The following GTPBP1 variants were observed in gnomAD, a reference collection of about 807,000 sequenced individuals.
GTPBP1 encodes the protein GTP-binding protein 1.
Under a neutral mutation model 62.0 loss-of-function variants are expected in GTPBP1, and 23 were observed. That is an observed-to-expected ratio of 0.37 (90% CI 0.27 to 0.53). The LOEUF is 0.53. Ranked by LOEUF, GTPBP1 falls within the 20% of genes least tolerant of loss-of-function variation. The probability of loss-of-function intolerance (pLI) is 0.89; values close to 1 mark genes in which losing one functional copy is unlikely to be tolerated. For missense variants in GTPBP1, 640 were observed against 917.3 expected, an observed-to-expected ratio of 0.70 and a Z score of 3.90; for synonymous variants, 344 against 364.4, an observed-to-expected ratio of 0.94 and a Z score of 0.64.
Position 38,706,248 on chromosome 22 carries a change from G to T in GTPBP1, c.192+101G>T, listed in dbSNP as rs1045427534. Reference sequence around the variant, plus strand: ...CCAGCGGCCGCCCTGTCCGCGGGGAGCGCGGAACGGGAAGAAGGGGCCGAG... The same window carrying T: ...CCAGCGGCCGCCCTGTCCGCGGGGATCGCGGAACGGGAAGAAGGGGCCGAG... On this transcript the variant is annotated intron_variant, in intron 1 of 11. Transcript: ENST00000216044. 3.7e-5 allele frequency: 28 copies of T among 762,606 alleles called. No individual in the cohort carries two copies. The East Asian group carries it at 8.1e-4, about 22-fold the overall frequency. 47.2% of individuals were successfully genotyped at this position (762,606 alleles called of 1,614,324 possible). A position where few individuals can be genotyped will look rare whatever the true frequency, so the allele number is the denominator to read the frequency against.
At chr22:38,739,307 A>G (rs868775705), downstream of GTPBP1, 7 of 1,608,580 alleles carry the variant, frequency 4.4e-6, no homozygotes, top group Middle Eastern at 9.9e-4. The surrounding 1 kb of genome is among the most constrained non-coding windows in gnomAD (Gnocchi z 6.7). Context: ...TGCGGGGTCC[A>G]GGACAAGGCA....
rs950853623 is a variant in GTPBP1 at position 38,733,576 on chromosome 22, A to T, written c.*2872A>T. On this transcript the variant is annotated 3_prime_UTR_variant, in exon 12 of 12. Coordinates refer to ENST00000216044, the MANE Select transcript of GTPBP1 (RefSeq NM_004286.5). ...GGATGCAGAATAAAATTGTTAATCC[A>T]ATCACCTCCAATGGCAAGGCCTGAC... 6.6e-6 allele frequency: 1 copy of T among 152,288 alleles called. No homozygotes were observed. The highest frequency in any genetic ancestry group is 2.4e-5 in the African/African-American group (1 of 41,468). 9.4% of individuals were successfully genotyped at this position (152,288 alleles called of 1,614,324 possible). A position where few individuals can be genotyped will look rare whatever the true frequency, so the allele number is the denominator to read the frequency against.
chr22:38,736,417 C>G, downstream of GTPBP1: 1 of 1,540,834 alleles, frequency 6.5e-7, no homozygotes, highest in Non-Finnish European at 8.8e-7. Context: ...GCATCAGAGA[C>G]CTGTGAGGCC....
intron 2 of GTPBP1, among the ~76,000 whole-genome samples, chr22:38,714,707 G>C (rs35738517): frequency 0.03 from 4,489 of 151,730 alleles, 86 homozygotes; most frequent in Middle Eastern, 0.088. Flanking sequence ...AGCTTGTTTG[G>C]AGTGGGAGGA....
intron 2 of GTPBP1, among the ~76,000 whole-genome samples, chr22:38,710,685 G>C (rs982126821): frequency 6.6e-6 from 1 of 152,080 alleles, no homozygotes; most frequent in African/African-American, 2.4e-5. Flanking sequence ...TTGATGTCAG[G>C]TACACATCTG....
intron 5 of GTPBP1, chr22:38,722,895 C>T (rs2092708198): frequency 5.5e-6 from 7 of 1,269,828 alleles, no homozygotes; most frequent in Admixed American, 1.7e-5. Flanking sequence ...CACGCTTCGG[C>T]CCACTGGGAG....
At position 38,715,831 on chromosome 22, in the gene GTPBP1, G is replaced by C. The variant is rs1306941030; in HGVS notation, c.305-76G>C. On this transcript the variant is annotated intron_variant, in intron 2 of 11. Coordinates refer to ENST00000216044, the MANE Select transcript of GTPBP1 (RefSeq NM_004286.5). ...GGGGGTGGTGGCCTTTGTTAGGTGG[G>C]GTTCCTGGCTGGCTGGTTGGCAGGC... is the stretch of plus-strand genomic sequence containing the variant. 9 of 1,251,334 alleles carry C rather than the reference G, an allele frequency of 7.2e-6. No individual in the cohort carries two copies. In the East Asian group the frequency reaches 1.2e-4, roughly 16 times the overall value. The allele number at this position is 1,251,334 out of a possible 1,614,324, so 77.5% of individuals were successfully genotyped here. A position where few individuals can be genotyped will look rare whatever the true frequency, so the allele number is the denominator to read the frequency against.
intron 2 of GTPBP1, among the ~76,000 whole-genome samples, chr22:38,714,297 G>A (rs1448575216): frequency 1.3e-5 from 2 of 152,134 alleles, no homozygotes; most frequent in East Asian, 3.9e-4. Context: ...TGGCCAGCAT[G>A]GTGAAACCCC....
Position 38,730,529 on chromosome 22 carries a change from G to A in GTPBP1, c.1918-83G>A. 2 of 948,800 alleles carry A rather than the reference G, an allele frequency of 2.1e-6. No homozygotes were observed. Among genetic ancestry groups the A allele is most frequent in the Non-Finnish European group, 3.4e-6 (2 of 593,420 alleles). The allele number at this position is 948,800 out of a possible 1,614,324, so 58.8% of individuals were successfully genotyped here. On this transcript the variant is annotated intron_variant, in intron 11 of 11. Coordinates refer to ENST00000216044, the MANE Select transcript of GTPBP1 (RefSeq NM_004286.5). This position sits in a 1 kb window ranked among gnomAD's most constrained non-coding sequence, Gnocchi z 5.6. Reference sequence around the variant, plus strand: ...GCCTGCTCACGCATCTTCCGTCCCTGTCTCCCCGCTGCTCAGCACCTCTGC... The same window carrying A: ...GCCTGCTCACGCATCTTCCGTCCCTATCTCCCCGCTGCTCAGCACCTCTGC...
rs753640213 is a variant in GTPBP1 at position 38,729,580 on chromosome 22, C to A, written c.1835C>A (p.Ala612Glu). ...GAGGGGGGCCCGTCTGGTGGGCCAG[C>A]AGTAGGAGCACCCCCACCTGGAGAT... ...RDEGGPSGGP[A>E]VGAPPPGDEA... Residue 612 changes from alanine to glutamate, a missense_variant, in exon 11 of 12, where the codon GCA (alanine) becomes GAA (glutamate). Physicochemically the swap from Ala to Glu is moderately radical, Grantham distance 107 (BLOSUM62 -1). This residue lies in a region of GTPBP1 where 117 missense variants were observed against 107.1 expected (regional missense o/e 1.09). Transcript: ENST00000216044. 2 of 1,586,578 alleles carry A rather than the reference C, an allele frequency of 1.3e-6. No homozygotes were observed. The highest frequency in any genetic ancestry group is 1.4e-5 in the African/African-American group (1 of 73,268).
At chr22:38,724,461 C>G in intron 6 of GTPBP1, 50 bp downstream of exon 6, 2 of 1,070,988 alleles carry the variant, frequency 1.9e-6, no homozygotes, top group South Asian at 1.2e-5. Flanking sequence ...GCAGGCAGGA[C>G]CACAGTGAGT....
chr22:38,709,804 C>G (rs1357950343), intron 2 of GTPBP1, among the ~76,000 whole-genome samples: 1 of 152,214 alleles, frequency 6.6e-6, no homozygotes, highest in Non-Finnish European at 1.5e-5. Context: ...TCCTCTCTCC[C>G]CACTGGATCC....
Position 38,723,315 on chromosome 22 carries a change from C to T in GTPBP1, c.959-982C>T, listed in dbSNP as rs1023896616. The T allele has an allele frequency of 1.8e-5, 15 of 843,400 alleles. No homozygotes were observed. In the African/African-American group the frequency reaches 2.2e-4, roughly 12 times the overall value. 52.2% of individuals were successfully genotyped at this position (843,400 alleles called of 1,614,324 possible). A position where few individuals can be genotyped will look rare whatever the true frequency, so the allele number is the denominator to read the frequency against. On this transcript the variant is annotated intron_variant, in intron 5 of 11. Coordinates refer to ENST00000216044, the MANE Select transcript of GTPBP1 (RefSeq NM_004286.5). The stretch of plus-strand genomic sequence containing the variant: ...AAATAGGGTGCATGCTGGGCGACAG[C>T]AGGTGCATGGTATGAGGAGCTGGTG...
downstream of GTPBP1, chr22:38,739,039 C>T (rs377750954): frequency 5.3e-5 from 81 of 1,538,292 alleles, no homozygotes; most frequent in Middle Eastern, 2.0e-4. This position sits in a 1 kb window ranked among gnomAD's most constrained non-coding sequence, Gnocchi z 6.7. Flanking sequence ...AGGAGGGCCC[C>T]GCTCAGGCCA....
rs376951957 is a variant in GTPBP1 at position 38,705,949 on chromosome 22, A to G, written c.-7A>G. The G allele has an allele frequency of 3.3e-4, 471 of 1,430,560 alleles. No individual in the cohort carries two copies. The highest frequency in any genetic ancestry group is 4.2e-4 in the Non-Finnish European group (451 of 1,086,374). The allele number at this position is 1,430,560 out of a possible 1,614,324, so 88.6% of individuals were successfully genotyped here. On this transcript the variant is annotated 5_prime_UTR_variant, in exon 1 of 12. Transcript: ENST00000216044. ...AGCCGGCTACGAATTAGCCTAAGTT[A>G]TTAAAGATGGCGACGGAGCGCAGTC...
At chr22:38,710,179 A>C (rs1381141756) in intron 2 of GTPBP1, among the ~76,000 whole-genome samples, 1 of 152,232 alleles carries the variant, frequency 6.6e-6, no homozygotes, top group Non-Finnish European at 1.5e-5. Context: ...CCAGGTAATA[A>C]TTCTTTTGTA....
chr22:38,740,429 C>T (rs549899267), downstream of GTPBP1: 3 of 1,508,780 alleles, frequency 2.0e-6, no homozygotes, highest in Admixed American at 4.4e-5. This position sits in a 1 kb window ranked among gnomAD's most constrained non-coding sequence, Gnocchi z 4.8. Flanking sequence ...ACTCCTGGGT[C>T]ATGCTGGTCC....
At chr22:38,718,896 A>G (rs777718959) in intron 4 of GTPBP1, among the ~76,000 whole-genome samples, 14 of 152,384 alleles carry the variant, frequency 9.2e-5, no homozygotes, top group South Asian at 2.1e-4. Flanking sequence ...AGGTGAAAGA[A>G]TAGTATAACC....
intron 2 of GTPBP1, among the ~76,000 whole-genome samples, chr22:38,710,015 G>A (rs369473004): frequency 2.0e-5 from 3 of 152,270 alleles, no homozygotes; most frequent in Non-Finnish European, 2.9e-5. Flanking sequence ...TTCATTATGG[G>A]ATTATCTTTG....
Sources: allele counts gnomAD v4.1 joint callset (sites outside exome capture counted in the v4.1 genomes callset), GRCh38; gene constraint gnomAD v4.1.1; regional missense constraint gnomAD v4.1.1; non-coding constraint Gnocchi (gnomAD v3.1); transcripts MANE v1.5; gene names NCBI Gene and HGNC (gene_info 2026-07-23, HGNC 2026-07-21).